DPP6: variants seen among roughly 807,000 people sequenced by gnomAD.
DPP6 encodes the protein dipeptidyl peptidase like 6, also known as A-type potassium channel modulatory protein DPP6.
DPP6 carries 69 observed loss-of-function variants against 122.6 expected under a neutral mutation model. That is an observed-to-expected ratio of 0.56 (90% confidence interval 0.46 to 0.69). DPP6 has a LOEUF of 0.69. DPP6 is among the 30% of genes least tolerant of loss of function. DPP6 has a pLI of 0.00. For synonymous variants in DPP6, 418 were observed against 433.1 expected, an observed-to-expected ratio of 0.97 and a Z score of 0.43; for missense variants, 928 against 1,116.9, an observed-to-expected ratio of 0.83 and a Z score of 2.41.
chr7:154,692,790 T>TC (rs1436251447), intron 7 of DPP6, among the ~76,000 whole-genome samples: 2 of 102,082 alleles, frequency 2.0e-5, no homozygotes, highest in Non-Finnish European at 3.5e-5. Context: ...TCTTTTTTTT[T>TC]TTTTTTTTTG....
intron 3 of DPP6, among the ~76,000 whole-genome samples, chr7:154,488,317 T>G (rs920128716): frequency 6.6e-6 from 1 of 151,912 alleles, no homozygotes; most frequent in Non-Finnish European, 1.5e-5. Context: ...TGAAACCCCG[T>G]CTCTACTAAA....
intron 1 of DPP6, among the ~76,000 whole-genome samples, chr7:154,135,695 G>A (rs1326244338): frequency 6.6e-6 from 1 of 150,612 alleles, no homozygotes; most frequent in Non-Finnish European, 1.5e-5. Flanking sequence ...GTTCCTCTCT[G>A]TGCACTTCCT....
intron 20 of DPP6, among the ~76,000 whole-genome samples, chr7:154,878,383 G>A (rs1405565827): frequency 6.6e-6 from 1 of 152,224 alleles, no homozygotes; most frequent in Admixed American, 6.5e-5. Flanking sequence ...AACCACCGAA[G>A]CTCAAAGAAT....
intron 7 of DPP6, among the ~76,000 whole-genome samples, chr7:154,715,123 A>G (rs1841408978): frequency 6.6e-6 from 1 of 151,998 alleles, no homozygotes; most frequent in Admixed American, 6.6e-5. Flanking sequence ...CTGGAGTGCC[A>G]TGGCACGGTC....
At chr7:154,677,871 C>T (rs1414757387) in intron 7 of DPP6, among the ~76,000 whole-genome samples, 1 of 152,098 alleles carries the variant, frequency 6.6e-6, no homozygotes, top group African/African-American at 2.4e-5. Flanking sequence ...ATGGGAAGGT[C>T]CTAGGTAAGA....
rs367566714 is a variant in DPP6 at position 154,754,761 on chromosome 7, T to C, written c.884-14656T>C. 1.2e-4 allele frequency among the ~76,000 whole-genome samples: 18 copies of C among 152,258 alleles called. No homozygotes were observed. In the South Asian group the frequency reaches 3.7e-3, roughly 32 times the overall value. Reference sequence around the variant, plus strand: ...TCAATGATAGACTGGATACAGGAAATGTGGCACATATACACCATGGAATAC... The same window carrying C: ...TCAATGATAGACTGGATACAGGAAACGTGGCACATATACACCATGGAATAC... On this transcript the variant is annotated intron_variant, in intron 8 of 25. Coordinates refer to ENST00000377770, the MANE Select transcript of DPP6 (RefSeq NM_130797.4).
chr7:154,258,110 G>GGAGGA (rs1176264481), intron 1 of DPP6, among the ~76,000 whole-genome samples: 1 of 150,988 alleles, frequency 6.6e-6, no homozygotes, highest in African/African-American at 2.4e-5. Flanking sequence ...GTGAGCATGA[G>GGAGGA]GAGGAGAGGA....
At chr7:154,753,461 G>T (rs1413693007) in intron 8 of DPP6, among the ~76,000 whole-genome samples, 13 of 152,120 alleles carry the variant, frequency 8.5e-5, no homozygotes, top group Admixed American at 6.5e-4. Context: ...ACCACCTGTG[G>T]ATTTTTGAAA....
chr7:154,466,341 A>G (rs1821780668), intron 2 of DPP6, among the ~76,000 whole-genome samples: 1 of 152,198 alleles, frequency 6.6e-6, no homozygotes. Flanking sequence ...GTATCCCAGA[A>G]CTTAAAGTGT....
the DPP6 span, among the ~76,000 whole-genome samples, chr7:153,806,588 T>A: frequency 6.6e-6 from 1 of 151,890 alleles, no homozygotes; most frequent in Non-Finnish European, 1.5e-5. Context: ...ATATAATTGG[T>A]GGCTTATAAA....
intron 1 of DPP6, among the ~76,000 whole-genome samples, chr7:153,938,013 T>C (rs547791525): frequency 1.3e-5 from 2 of 152,182 alleles, no homozygotes; most frequent in African/African-American, 4.8e-5. Context: ...AGTTCTCTCT[T>C]AGTAAGGAGA....
intron 1 of DPP6, among the ~76,000 whole-genome samples, chr7:154,176,066 A>C (rs1266897158): frequency 6.6e-6 from 1 of 152,162 alleles, no homozygotes; most frequent in African/African-American, 2.4e-5. Flanking sequence ...AAGTGGATAC[A>C]TATTTTGTGT....
intron 16 of DPP6, among the ~76,000 whole-genome samples, chr7:154,840,923 C>CT (rs755712166): frequency 1.8e-4 from 27 of 152,184 alleles, no homozygotes; most frequent in Non-Finnish European, 3.8e-4. Context: ...CTATCGGCGA[C>CT]TGTCAATTGG....
At chr7:154,575,164 ATG>A (rs1382231889) in intron 5 of DPP6, among the ~76,000 whole-genome samples, 32 of 52,610 alleles carry the variant, frequency 6.1e-4, no homozygotes, top group African/African-American at 2.0e-3. Context: ...GTCTGTGTGT[ATG>A]TGTGTGGGGG....
intron 7 of DPP6, among the ~76,000 whole-genome samples, chr7:154,697,536 C>T (rs1438093599): frequency 6.6e-6 from 1 of 152,242 alleles, no homozygotes; most frequent in Non-Finnish European, 1.5e-5. Flanking sequence ...CAGACATCCT[C>T]CAGGAAGCCA....
At chr7:154,264,339 C>T (rs890415158) in intron 1 of DPP6, among the ~76,000 whole-genome samples, 6 of 152,094 alleles carry the variant, frequency 3.9e-5, no homozygotes, top group East Asian at 1.9e-4. Context: ...AAGCACACTC[C>T]GAGTTCTTTG....
At chr7:154,824,406 A>G (rs921001003) in intron 16 of DPP6, among the ~76,000 whole-genome samples, 7 of 152,078 alleles carry the variant, frequency 4.6e-5, no homozygotes, top group African/African-American at 1.7e-4. Flanking sequence ...CAGCCTCCCA[A>G]GTAGCTGGGA....
intron 13 of DPP6, among the ~76,000 whole-genome samples, chr7:154,802,483 C>G (rs1798433193): frequency 6.6e-6 from 1 of 152,186 alleles, no homozygotes; most frequent in Admixed American, 6.5e-5. Context: ...TGTCTGCAAG[C>G]TGTTGCCTTT....
chr7:154,353,249 GCTT>G (rs1210579572), intron 1 of DPP6, among the ~76,000 whole-genome samples: 1 of 152,202 alleles, frequency 6.6e-6, no homozygotes, highest in Non-Finnish European at 1.5e-5. Flanking sequence ...TTTCAATAAA[GCTT>G]CTTTTCTCTT....
Sources: allele counts gnomAD v4.1 joint callset (sites outside exome capture counted in the v4.1 genomes callset), GRCh38; gene constraint gnomAD v4.1.1; transcripts MANE v1.5; gene names NCBI Gene and HGNC (gene_info 2026-07-23, HGNC 2026-07-21).